The following HSD17B4 variants were observed in gnomAD, a reference collection of about 807,000 sequenced individuals.
HSD17B4 encodes the protein peroxisomal multifunctional enzyme type 2.
HSD17B4 carries 70 observed loss-of-function variants against 101.0 expected under a neutral mutation model. That is an observed-to-expected ratio of 0.69 (90% confidence interval 0.57 to 0.85). HSD17B4 has a LOEUF of 0.85. HSD17B4 is among the 40% of genes least tolerant of loss of function. The probability of loss-of-function intolerance (pLI) is 0.00; values close to 1 mark genes in which losing one functional copy is unlikely to be tolerated. For synonymous variants in HSD17B4, 347 were observed against 297.1 expected, an observed-to-expected ratio of 1.17 and a Z score of -1.73; for missense variants, 984 against 892.4, an observed-to-expected ratio of 1.10 and a Z score of -1.31.
At chr5:119,506,191 G>A (rs898012579) in intron 14 of HSD17B4, among the ~76,000 whole-genome samples, 7 of 151,980 alleles carry the variant, frequency 4.6e-5, no homozygotes, top group Non-Finnish European at 8.8e-5. Flanking sequence ...GACAGGCCCC[G>A]GTGTGTGATG....
At chr5:119,477,259 G>A (rs1245322029) in intron 6 of HSD17B4, among the ~76,000 whole-genome samples, 158 bp from the exon 7 acceptor site, 1 of 152,090 alleles carries the variant, frequency 6.6e-6, no homozygotes, top group African/African-American at 2.4e-5. Flanking sequence ...AGCATAACTG[G>A]AATAAAGGCA....
At chr5:119,537,856 T>G (rs1754661257) in intron 23 of HSD17B4, among the ~76,000 whole-genome samples, 1 of 152,122 alleles carries the variant, frequency 6.6e-6, no homozygotes, top group Non-Finnish European at 1.5e-5. Flanking sequence ...TTGCCAACCC[T>G]TGAGTTAGAA....
chr5:119,503,387 C>T (rs1223915032), intron 14 of HSD17B4, among the ~76,000 whole-genome samples: 1 of 151,954 alleles, frequency 6.6e-6, no homozygotes, highest in Non-Finnish European at 1.5e-5. Flanking sequence ...ACCTCCTTAG[C>T]CTCAAGTTAT....
At chr5:119,473,274 T>TA (rs1748188006) in intron 2 of HSD17B4, among the ~76,000 whole-genome samples, 1 of 14,942 alleles carries the variant, frequency 6.7e-5, no homozygotes, top group South Asian at 1.3e-3. Flanking sequence ...TGGATGAATC[T>TA]TTTTTTTTTT....
chr5:119,479,230 A>G (rs1326103364), intron 8 of HSD17B4, among the ~76,000 whole-genome samples: 1 of 152,216 alleles, frequency 6.6e-6, no homozygotes, highest in Non-Finnish European at 1.5e-5. Context: ...CCACATCGAT[A>G]AAAACTTTCA....
chr5:119,520,401 A>G (rs1379964684), intron 17 of HSD17B4, among the ~76,000 whole-genome samples: 2 of 152,142 alleles, frequency 1.3e-5, no homozygotes, highest in African/African-American at 2.4e-5. Context: ...TATAGCCCTC[A>G]GTGAGACCCC....
intron 21 of HSD17B4, 186 bp downstream of exon 21, chr5:119,530,166 T>TA (rs1217247854): frequency 5.1e-6 from 3 of 593,808 alleles, no homozygotes; most frequent in Non-Finnish European, 6.0e-6. Flanking sequence ...TTATGAACTT[T>TA]AAAAAACTCG....
intron 12 of HSD17B4, among the ~76,000 whole-genome samples, chr5:119,497,832 T>C (rs1750784912): frequency 6.6e-6 from 1 of 152,166 alleles, no homozygotes; most frequent in African/African-American, 2.4e-5. Flanking sequence ...TTCAGTACCA[T>C]TAGATTTCTG....
At chr5:119,520,889 G>T (rs2560723) in intron 17 of HSD17B4, among the ~76,000 whole-genome samples, 1 of 152,044 alleles carries the variant, frequency 6.6e-6, no homozygotes, top group Non-Finnish European at 1.5e-5. Context: ...GTCAAAAGAG[G>T]TTATTTTACT....
intron 23 of HSD17B4, among the ~76,000 whole-genome samples, chr5:119,537,835 C>T (rs1429524843): frequency 6.6e-6 from 1 of 152,096 alleles, no homozygotes; most frequent in African/African-American, 2.4e-5. Flanking sequence ...ATCTGGTTCT[C>T]CAGCTGTTGT....
intron 9 of HSD17B4, among the ~76,000 whole-genome samples, chr5:119,490,655 G>A (rs534536023): frequency 6.6e-5 from 10 of 151,998 alleles, no homozygotes; most frequent in East Asian, 1.9e-4. Context: ...TGCAACCTCC[G>A]CCTCCCGGAC....
chr5:119,483,038 A>G (rs1267108484), intron 8 of HSD17B4, among the ~76,000 whole-genome samples: 1 of 152,022 alleles, frequency 6.6e-6, no homozygotes, highest in African/African-American at 2.4e-5. Context: ...CTTAAGTAGA[A>G]CAGAATACTC....
At chr5:119,488,293 A>T (rs1413518230) in intron 8 of HSD17B4, among the ~76,000 whole-genome samples, 2 of 152,240 alleles carry the variant, frequency 1.3e-5, no homozygotes, top group East Asian at 3.9e-4. Context: ...CAAAGTCTTC[A>T]TGTTCTTCAT....
At chr5:119,538,666 T>C (rs956373769) in intron 23 of HSD17B4, among the ~76,000 whole-genome samples, 1 of 152,206 alleles carries the variant, frequency 6.6e-6, no homozygotes, top group South Asian at 2.1e-4. Context: ...CCTGTAATGC[T>C]AATTCTAGTT....
At chr5:119,481,142 A>T (rs1005394042) in intron 8 of HSD17B4, among the ~76,000 whole-genome samples, 3 of 152,212 alleles carry the variant, frequency 2.0e-5, no homozygotes, top group East Asian at 3.8e-4. Context: ...AAAGACAGGC[A>T]TAGGAAATCA....
At chr5:119,503,939 C>T (rs932929988) in intron 14 of HSD17B4, among the ~76,000 whole-genome samples, 7 of 151,970 alleles carry the variant, frequency 4.6e-5, no homozygotes, top group African/African-American at 1.5e-4. Context: ...CTTGCTCTCC[C>T]TACTCTAGTA....
chr5:119,517,188 CG>C (rs1752695773), intron 17 of HSD17B4, among the ~76,000 whole-genome samples: 1 of 152,128 alleles, frequency 6.6e-6, no homozygotes, highest in Admixed American at 6.5e-5. Flanking sequence ...TTGGCGGGCC[CG>C]GCACTCAGAG....
chr5:119,518,973 T>G (rs541184893), intron 17 of HSD17B4, among the ~76,000 whole-genome samples: 51 of 151,854 alleles, frequency 3.4e-4, no homozygotes, highest in African/African-American at 1.2e-3. Flanking sequence ...CTAAAAGTAA[T>G]AATAATAATA....
At chr5:119,541,440 T>C (rs1754984095) in intron 23 of HSD17B4, among the ~76,000 whole-genome samples, 1 of 152,246 alleles carries the variant, frequency 6.6e-6, no homozygotes. Context: ...ATTCTGATGC[T>C]ACAGCTGTGA....
Sources: gnomAD v4.1 joint callset for allele counts (sites outside exome capture counted in the v4.1 genomes callset) on GRCh38, gnomAD v4.1.1 for gene constraint, MANE v1.5 for transcripts, NCBI Gene and HGNC (gene_info 2026-07-23, HGNC 2026-07-21) for gene names.